L3MBTL4: variants seen among roughly 807,000 people sequenced by gnomAD.
The protein encoded by L3MBTL4 is L3MBTL histone methyl-lysine binding protein 4, also known as lethal(3)malignant brain tumor-like protein 4.
A neutral mutation model predicts 84.5 loss-of-function variants in L3MBTL4; 70 were observed. The observed-to-expected ratio is 0.83, with a 90% confidence interval of 0.68 to 1.01. The LOEUF (loss-of-function observed/expected upper bound fraction) is 1.01. L3MBTL4 is among the 50% of genes least tolerant of loss of function. L3MBTL4 has a pLI of 0.00. For synonymous variants in L3MBTL4, 274 were observed against 259.8 expected, an observed-to-expected ratio of 1.05 and a Z score of -0.52; for missense variants, 715 against 754.8, an observed-to-expected ratio of 0.95 and a Z score of 0.62.
chr18:5,955,051 A>G lies in L3MBTL4; in HGVS notation c.*1169T>C, dbSNP rs895975461. On this transcript the variant is annotated 3_prime_UTR_variant, in exon 19 of 19. Transcript: ENST00000317931. ...AACCTCTCCCTCTTTCTCCCCACCC[A>G]CAAATGGTGTCCCTCCACTTCTGGG... 4 of 152,276 alleles carry G rather than the reference A, an allele frequency of 2.6e-5. No individual in the cohort carries two copies. The highest frequency in any genetic ancestry group is 3.9e-4 in the East Asian group (2 of 5,172). 9.4% of individuals were successfully genotyped at this position (152,276 alleles called of 1,614,324 possible). A position where few individuals can be genotyped will look rare whatever the true frequency, so the allele number is the denominator to read the frequency against.
At chr18:6,400,093 T>G (rs781389886) in intron 1 of L3MBTL4, among the ~76,000 whole-genome samples, 1 of 152,202 alleles carries the variant, frequency 6.6e-6, no homozygotes, top group Non-Finnish European at 1.5e-5. Flanking sequence ...TCTAATATAG[T>G]GCTATAAAGA....
intron 14 of L3MBTL4, among the ~76,000 whole-genome samples, chr18:6,137,357 CA>C (rs1314589400): frequency 6.6e-6 from 1 of 152,154 alleles, no homozygotes; most frequent in Non-Finnish European, 1.5e-5. Context: ...ATTACAGTGG[CA>C]TTTCCTTTTA....
intron 16 of L3MBTL4, among the ~76,000 whole-genome samples, chr18:5,980,122 G>A (rs2053138718): frequency 7.2e-6 from 1 of 138,468 alleles, no homozygotes; most frequent in East Asian, 2.7e-4. Context: ...CTCATGGAGT[G>A]GCTGACGTGC....
chr18:6,403,991 C>G (rs1282109279), intron 1 of L3MBTL4, among the ~76,000 whole-genome samples: 1 of 151,630 alleles, frequency 6.6e-6, no homozygotes, highest in Non-Finnish European at 1.5e-5. Flanking sequence ...TGAAGTAACT[C>G]AGGAATGGAA....
chr18:6,087,604 G>C (rs2058300268), intron 15 of L3MBTL4, among the ~76,000 whole-genome samples: 1 of 152,076 alleles, frequency 6.6e-6, no homozygotes, highest in Admixed American at 6.5e-5. Context: ...ATGGTGTTTT[G>C]ATCACTACTT....
intron 4 of L3MBTL4, among the ~76,000 whole-genome samples, chr18:6,271,462 G>GA (rs1388030558): frequency 6.6e-6 from 1 of 152,218 alleles, no homozygotes; most frequent in Non-Finnish European, 1.5e-5. Context: ...GGCAAAGGGA[G>GA]AAGGCAAAAT....
intron 7 of L3MBTL4, among the ~76,000 whole-genome samples, chr18:6,242,359 A>C (rs2047487554): frequency 6.6e-6 from 1 of 151,708 alleles, no homozygotes; most frequent in African/African-American, 2.4e-5. Flanking sequence ...TTTCTCCCCC[A>C]TGCTTTCTGA....
intron 10 of L3MBTL4, among the ~76,000 whole-genome samples, chr18:6,231,563 T>C (rs1410386081): frequency 6.6e-6 from 1 of 152,196 alleles, no homozygotes; most frequent in East Asian, 1.9e-4. Flanking sequence ...TCCACTCATT[T>C]GTGTCACCCT....
At chr18:6,124,936 A>C (rs987181171) in intron 14 of L3MBTL4, among the ~76,000 whole-genome samples, 3 of 152,054 alleles carry the variant, frequency 2.0e-5, no homozygotes, top group Non-Finnish European at 2.9e-5. Context: ...AAATCTAATT[A>C]ACACAATAGA....
chr18:5,961,824 G>C (rs1292799064), intron 17 of L3MBTL4, among the ~76,000 whole-genome samples: 1 of 152,218 alleles, frequency 6.6e-6, no homozygotes, highest in Non-Finnish European at 1.5e-5. Context: ...CACGTGCTCA[G>C]TATTTGCTGG....
intron 1 of L3MBTL4, among the ~76,000 whole-genome samples, chr18:6,387,241 T>C (rs1416607724): frequency 6.6e-6 from 1 of 152,206 alleles, no homozygotes; most frequent in Non-Finnish European, 1.5e-5. Flanking sequence ...CCTAAGGCTG[T>C]CGTCTCTGTG....
chr18:6,075,537 C>T (rs1041446731), intron 16 of L3MBTL4, among the ~76,000 whole-genome samples: 22 of 152,132 alleles, frequency 1.4e-4, no homozygotes, highest in African/African-American at 5.1e-4. Context: ...CTTATAGGTA[C>T]ACTGTAGATC....
intron 16 of L3MBTL4, 45 bp downstream of exon 16, chr18:6,080,836 C>G (rs750388731): frequency 7.3e-7 from 1 of 1,367,454 alleles, no homozygotes; most frequent in South Asian, 1.3e-5. Flanking sequence ...ACATTCTGCA[C>G]AACAAAAAGT....
At chr18:6,391,988 G>A (rs1303731702) in intron 1 of L3MBTL4, among the ~76,000 whole-genome samples, 1 of 152,194 alleles carries the variant, frequency 6.6e-6, no homozygotes, top group East Asian at 1.9e-4. Flanking sequence ...AATAGAATTA[G>A]AACAATCCTA....
intron 16 of L3MBTL4, among the ~76,000 whole-genome samples, chr18:6,048,535 A>G (rs568583954): frequency 6.6e-6 from 1 of 152,124 alleles, no homozygotes; most frequent in South Asian, 2.1e-4. Context: ...GGTGGCTCAC[A>G]TCTGTCATCC....
intron 16 of L3MBTL4, among the ~76,000 whole-genome samples, chr18:5,991,379 G>A (rs1440724116): frequency 6.6e-6 from 1 of 152,160 alleles, no homozygotes; most frequent in African/African-American, 2.4e-5. Context: ...GTTTAGGGAA[G>A]AGTCTGTCTC....
intron 10 of L3MBTL4, among the ~76,000 whole-genome samples, chr18:6,232,240 G>C (rs569097956): frequency 1.3e-5 from 2 of 152,004 alleles, no homozygotes; most frequent in Admixed American, 1.3e-4. Flanking sequence ...AATCCCACTT[G>C]GTTATGGTGT....
intron 5 of L3MBTL4, chr18:6,260,612 C>T (rs920503060): frequency 6.6e-6 from 1 of 152,146 alleles, no homozygotes; most frequent in African/African-American, 2.4e-5. Flanking sequence ...AGAAATGCTA[C>T]TGACTTTTGT....
chr18:6,124,175 A>G (rs536531829), intron 14 of L3MBTL4, among the ~76,000 whole-genome samples: 1 of 152,332 alleles, frequency 6.6e-6, no homozygotes, highest in Non-Finnish European at 1.5e-5. Flanking sequence ...GACAGGACGA[A>G]GAATGGAAAA....
Sources: allele counts gnomAD v4.1 joint callset (sites outside exome capture counted in the v4.1 genomes callset), GRCh38; gene constraint gnomAD v4.1.1; transcripts MANE v1.5; gene names NCBI Gene and HGNC (gene_info 2026-07-23, HGNC 2026-07-21).